The following STARD9 variants were observed in gnomAD, a reference collection of about 807,000 sequenced individuals.
STARD9 encodes the protein StAR related lipid transfer domain containing 9.
In STARD9, 346 loss-of-function variants were observed where a neutral mutation model predicts 399.8. The observed-to-expected ratio is 0.87, with a 90% CI of 0.79 to 0.95. The LOEUF is 0.95. Ranked by LOEUF, STARD9 falls within the 40% of genes least tolerant of loss-of-function variation. The pLI is 0.00. For synonymous variants in STARD9, 2,203 were observed against 2,143.5 expected, an observed-to-expected ratio of 1.03 and a Z score of -0.77; for missense variants, 5,832 against 5,667.5, an observed-to-expected ratio of 1.03 and a Z score of -0.93.
At chr15:42,703,249 G>C (rs1479892650) in intron 26 of STARD9, among the ~76,000 whole-genome samples, 1 of 151,914 alleles carries the variant, frequency 6.6e-6, no homozygotes, top group African/African-American at 2.4e-5. Flanking sequence ...TCTTTCTCTA[G>C]GTTTGGAAAG....
In STARD9 at chr15:42,688,969, C is replaced by G. The variant is rs2140260913; in HGVS notation, c.7391C>G (p.Ser2464Cys). Reference sequence around the variant, plus strand: ...TTCAGTACCAGTGAAGATTTTGCTTCTGAAGCCGAGGTGGCTGTACAAAAA... The same window carrying G: ...TTCAGTACCAGTGAAGATTTTGCTTGTGAAGCCGAGGTGGCTGTACAAAAA... ...LGFSTSEDFA[S>C]EAEVAVQKEI... is the part of the protein sequence containing the mutation. The change falls in exon 23 of 33, where the codon TCT (serine) becomes TGT (cysteine). Residue 2464 changes from serine (S) to cysteine (C), a missense_variant. Ser to Cys is a moderately radical substitution (Grantham distance 112, BLOSUM62 -1). Transcript: ENST00000290607. The G allele has an allele frequency of 6.5e-7, 1 of 1,537,404 alleles. No individual in the cohort carries two copies. Among genetic ancestry groups the G allele is most frequent in the East Asian group, 2.4e-5 (1 of 40,922 alleles).
chr15:42,719,051 G>A (rs1451199014), intron 32 of STARD9, 141 bp downstream of exon 32: 2 of 682,284 alleles, frequency 2.9e-6, no homozygotes, highest in Admixed American at 2.9e-5. Flanking sequence ...GGGCTTCCTG[G>A]GCTTTTGCAG....
chr15:42,674,790 C>T (rs376606487), intron 17 of STARD9, 37 bp from the exon 18 acceptor site: 17 of 1,491,338 alleles, frequency 1.1e-5, no homozygotes, highest in Middle Eastern at 1.7e-4. Flanking sequence ...TTCCCTGCAT[C>T]GTCCTCCCAC....
At position 42,686,192 on chromosome 15, in the gene STARD9, A is replaced by G; in HGVS notation, c.4614A>G (p.Val1538=). The G allele has an allele frequency of 2.6e-6, 4 of 1,537,590 alleles. No individual in the cohort carries two copies. In the South Asian group the frequency reaches 3.6e-5, roughly 14 times the overall value. ...GDTLLPVGPR[V]SSNLNLNNFP... Reference sequence around the variant, plus strand: ...CTCTATTGCCAGTTGGCCCTAGGGTATCTAGCAATCTGAATCTCAACAACT... The same window carrying G: ...CTCTATTGCCAGTTGGCCCTAGGGTGTCTAGCAATCTGAATCTCAACAACT... The change falls in exon 23 of 33, where the codon GTA becomes GTG. Residue 1538 remains valine, a synonymous_variant. Coordinates refer to ENST00000290607, the MANE Select transcript of STARD9 (RefSeq NM_020759.3).
At chr15:42,696,004 T>TAA in intron 26 of STARD9, 124 bp downstream of exon 26, 1 of 1,009,372 alleles carries the variant, frequency 9.9e-7, no homozygotes, top group Non-Finnish European at 1.4e-6. Context: ...ACTGCTGACA[T>TAA]GAGCCCTTCT....
chr15:42,714,196 G>A (rs1389590145), intron 26 of STARD9, among the ~76,000 whole-genome samples: 1 of 151,620 alleles, frequency 6.6e-6, no homozygotes, highest in South Asian at 2.1e-4. Context: ...CCGAGTAGCT[G>A]GGACTACAGG....
chr15:42,636,592 T>C (rs1667690571), intron 4 of STARD9, among the ~76,000 whole-genome samples: 1 of 151,006 alleles, frequency 6.6e-6, no homozygotes, highest in Admixed American at 6.6e-5. Context: ...AAAAAATAAA[T>C]AAAAAGAGAC....
chr15:42,682,288 C>T lies in STARD9; in HGVS notation c.2250C>T (p.Leu750=). Residue 750 remains leucine, a synonymous_variant, in exon 22 of 33, where the codon CTC becomes CTT. Coordinates refer to ENST00000290607, the MANE Select transcript of STARD9 (RefSeq NM_020759.3). ...QSQKRVVHLQ[L]LRRHTLRAAE... is the part of the protein sequence containing the mutation. Reference sequence around the variant, plus strand: ...AGAAAAGGGTGGTGCACCTGCAGCTCCTGCGGAGACACACTCTTCGGGCAG... The same window carrying T: ...AGAAAAGGGTGGTGCACCTGCAGCTTCTGCGGAGACACACTCTTCGGGCAG... 5 of 1,537,270 alleles carry T rather than the reference C, an allele frequency of 3.3e-6. No individual in the cohort carries two copies. The Middle Eastern group carries it at 5.0e-4, about 154-fold the overall frequency.
At position 42,687,509 on chromosome 15, in the gene STARD9, A is replaced by C. The variant is rs753285933; in HGVS notation, c.5931A>C (p.Glu1977Asp). The change falls in exon 23 of 33, where the codon GAA (glutamate) becomes GAC (aspartate). Residue 1977 changes from glutamate to aspartate, a missense_variant. Physicochemically the swap from Glu to Asp is conservative, Grantham distance 45. Coordinates refer to ENST00000290607, the MANE Select transcript of STARD9 (RefSeq NM_020759.3). Reference protein sequence around the residue: ...GPTPKWEGKNETGLLEKGLRP... With the variant: ...GPTPKWEGKNDTGLLEKGLRP... ...CCCCTAAGTGGGAAGGGAAAAATGA[A>C]ACTGGGCTTCTTGAAAAAGGTCTTC... is the stretch of plus-strand genomic sequence containing the variant. 22 of 1,536,988 alleles carry C rather than the reference A, an allele frequency of 1.4e-5. No individual in the cohort carries two copies. Among genetic ancestry groups the C allele is most frequent in the Admixed American group, 1.2e-4 (6 of 50,982 alleles).
At chr15:42,664,713 C>T (rs1158485779) in intron 13 of STARD9, among the ~76,000 whole-genome samples, 2 of 151,898 alleles carry the variant, frequency 1.3e-5, no homozygotes, top group African/African-American at 2.4e-5. Context: ...TTATTTTTCT[C>T]TATGCAAATT....
At chr15:42,674,353 A>C in intron 16 of STARD9, 87 bp from the exon 17 acceptor site, 1 of 1,048,254 alleles carries the variant, frequency 9.5e-7, no homozygotes, top group African/African-American at 1.6e-5. Context: ...CTGGGAAGAC[A>C]GTGAGAATAT....
chr15:42,675,156 A>G (rs968897712), intron 18 of STARD9, among the ~76,000 whole-genome samples, 192 bp downstream of exon 18: 4 of 152,206 alleles, frequency 2.6e-5, no homozygotes, highest in African/African-American at 4.8e-5. Context: ...GGAGTGAAGA[A>G]TGACTGTATG....
At position 42,661,188 on chromosome 15, in the gene STARD9, A is replaced by G. The variant is rs554775431; in HGVS notation, c.733A>G (p.Met245Val). 3.3e-6 allele frequency: 5 copies of G among 1,536,992 alleles called. No individual in the cohort carries two copies. Among genetic ancestry groups the G allele is most frequent in the Admixed American group, 3.9e-5 (2 of 50,986 alleles). Reference sequence around the variant, plus strand: ...CCTGGAGAACAACCTCCCTTCTGAAATGGCTAGCAAGATCAACCTTGTGGA... The same window carrying G: ...CCTGGAGAACAACCTCCCTTCTGAAGTGGCTAGCAAGATCAACCTTGTGGA... Reference protein sequence around the residue: ...AILENNLPSEMASKINLVDLA... With the variant: ...AILENNLPSEVASKINLVDLA... The change falls in exon 10 of 33, where the codon ATG (methionine) becomes GTG (valine). Residue 245 changes from methionine (M) to valine (V), a missense_variant. Transcript: ENST00000290607.
At chr15:42,704,642 CG>C (rs1208899558) in intron 26 of STARD9, among the ~76,000 whole-genome samples, 1 of 152,156 alleles carries the variant, frequency 6.6e-6, no homozygotes, top group Non-Finnish European at 1.5e-5. Context: ...TCCCTGGCCC[CG>C]ATGGACCTGA....
chr15:42,651,649 GGGTAAAAA>G (rs1371684013), intron 8 of STARD9, among the ~76,000 whole-genome samples: 22 of 151,720 alleles, frequency 1.5e-4, no homozygotes, highest in Non-Finnish European at 2.5e-4. Flanking sequence ...TTTTTTTCTG[GGGTAAAAA>G]GGTCTTTAGA....
rs755580775 is a variant in STARD9, at chr15:42,685,461, C to T, written c.3883C>T (p.Pro1295Ser). The change falls in exon 23 of 33, where the codon CCC becomes TCC. Residue 1295 changes from proline (P) to serine (S), a missense_variant. Around this residue, in one of 2 missense-constraint regions of STARD9, gnomAD observed 5,828 missense variants for 5,651.1 expected, o/e 1.03. Coordinates refer to ENST00000290607, the MANE Select transcript of STARD9 (RefSeq NM_020759.3). ...CELQPHCELQ[P>S]HCELQPHCEQ... ...GCTCCAACCCCATTGTGAGCTCCAA[C>T]CCCATTGTGAGCTCCAGCCCCATTG... The T allele has an allele frequency of 4.6e-6, 7 of 1,531,126 alleles. No individual in the cohort carries two copies. Among genetic ancestry groups the T allele is most frequent in the Non-Finnish European group, 6.1e-6 (7 of 1,143,884 alleles). 94.8% of individuals were successfully genotyped at this position (1,531,126 alleles called of 1,614,324 possible). A position where few individuals can be genotyped will look rare whatever the true frequency, so the allele number is the denominator to read the frequency against.
intron 3 of STARD9, among the ~76,000 whole-genome samples, chr15:42,621,082 TCTC>T (rs1424386550): frequency 6.6e-6 from 1 of 152,176 alleles, no homozygotes; most frequent in East Asian, 1.9e-4. Context: ...TTGTCCAGTG[TCTC>T]CTCATGATTA....
Position 42,684,460 on chromosome 15 carries a change from C to T in STARD9, c.2882C>T (p.Pro961Leu), listed in dbSNP as rs1566933406. 6 of 1,537,070 alleles carry T rather than the reference C, an allele frequency of 3.9e-6. No homozygotes were observed. The highest frequency in any genetic ancestry group is 5.2e-6 in the Non-Finnish European group (6 of 1,146,910). The change falls in exon 23 of 33, where the codon CCA (proline) becomes CTA (leucine). Residue 961 changes from proline (P) to leucine (L), a missense_variant. Around this residue, in one of 2 missense-constraint regions of STARD9, gnomAD observed 5,828 missense variants for 5,651.1 expected, o/e 1.03. Coordinates refer to ENST00000290607, the MANE Select transcript of STARD9 (RefSeq NM_020759.3). The part of the protein sequence containing the change: ...SLRKSANKLK[P>L]RHEPKIFTST... ...AGGAAATCAGCTAACAAACTAAAGC[C>T]AAGGCATGAGCCAAAGATCTTCACC...
At position 42,689,080 on chromosome 15, in the gene STARD9, C is replaced by T; in HGVS notation, c.7502C>T (p.Ala2501Val). ...SFSLEEDSDQASKPRQKAEKE... is the reference protein window; with the variant it reads ...SFSLEEDSDQVSKPRQKAEKE... ...TCCTTGGAAGAGGATAGTGACCAAGCCAGCAAGCCAAGGCAGAAGGCAGAG... is the reference window on the plus strand; with the variant it reads ...TCCTTGGAAGAGGATAGTGACCAAGTCAGCAAGCCAAGGCAGAAGGCAGAG... The change falls in exon 23 of 33, where the codon GCC (alanine) becomes GTC (valine). Residue 2501 changes from alanine (A) to valine (V), a missense_variant. By Grantham distance (64) the Ala-to-Val change is moderately conservative (BLOSUM62 0). Around this residue, in one of 2 missense-constraint regions of STARD9, gnomAD observed 5,828 missense variants for 5,651.1 expected, o/e 1.03. Coordinates refer to ENST00000290607, the MANE Select transcript of STARD9 (RefSeq NM_020759.3). 3 of 1,537,262 alleles carry T rather than the reference C, an allele frequency of 2.0e-6. No homozygotes were observed. Among genetic ancestry groups the T allele is most frequent in the East Asian group, 2.4e-5 (1 of 40,918 alleles).
Sources: gnomAD v4.1 joint callset for allele counts (sites outside exome capture counted in the v4.1 genomes callset) on GRCh38, gnomAD v4.1.1 for gene constraint, gnomAD v4.1.1 regional missense constraint, MANE v1.5 for transcripts, NCBI Gene and HGNC (gene_info 2026-07-23, HGNC 2026-07-21) for gene names.